E2F6: variants seen among roughly 807,000 people sequenced by gnomAD.
E2F6 encodes the protein transcription factor E2F6.
In E2F6, 19 loss-of-function variants were observed where a neutral mutation model predicts 31.5. The ratio of observed to expected loss-of-function variants is 0.60; its 90% CI spans 0.42 to 0.89. The LOEUF (loss-of-function observed/expected upper bound fraction) is 0.89. Among genes scored for constraint, E2F6 ranks in the 40% least tolerant of loss-of-function variants. The pLI is 0.00. For missense variants in E2F6, 269 were observed against 341.6 expected (o/e 0.79, Z 1.67); for synonymous variants, 121 against 127.7 (o/e 0.95, Z 0.36).
intron 1 of E2F6, among the ~76,000 whole-genome samples, chr2:11,461,707 G>C (rs1042281177): frequency 2.0e-5 from 3 of 152,156 alleles, no homozygotes; most frequent in African/African-American, 4.8e-5. Context: ...GCTTGTGTTT[G>C]ATTTTCAGCA....
chr2:11,461,993 A>G (rs1671808662), intron 1 of E2F6, among the ~76,000 whole-genome samples: 1 of 152,232 alleles, frequency 6.6e-6, no homozygotes, highest in Non-Finnish European at 1.5e-5. Flanking sequence ...TTGCATATCT[A>G]TAAACAGTTT....
At chr2:11,458,051 T>G (rs2148353369) in intron 1 of E2F6, among the ~76,000 whole-genome samples, 1 of 152,298 alleles carries the variant, frequency 6.6e-6, no homozygotes, top group South Asian at 2.1e-4. Flanking sequence ...TTAGAAACTG[T>G]TTTTCTGTAA....
chr2:11,446,062 A>C lies in E2F6; in HGVS notation c.*415T>G. On this transcript the variant is annotated 3_prime_UTR_variant, in exon 7 of 7. Transcript: ENST00000381525. ...ACATCACATTTAAATTCGTGTGTAC[A>C]TCTATGCAATGTACAACAGTAACTG... The C allele has an allele frequency of 5.9e-6, 1 of 169,054 alleles. No individual in the cohort carries two copies. The highest frequency in any genetic ancestry group is 1.3e-5 in the Non-Finnish European group (1 of 79,042). The allele number at this position is 169,054 out of a possible 1,614,324, so 10.5% of individuals were successfully genotyped here.
chr2:11,465,070 T>G (rs1672056684), intron 1 of E2F6, among the ~76,000 whole-genome samples: 1 of 147,072 alleles, frequency 6.8e-6, no homozygotes, highest in African/African-American at 2.5e-5. Context: ...CCCAGCTACA[T>G]GGGAGGCTGA....
chr2:11,456,509 C>G (rs1405985651), intron 2 of E2F6, among the ~76,000 whole-genome samples: 1 of 152,164 alleles, frequency 6.6e-6, no homozygotes, highest in Admixed American at 6.5e-5. Flanking sequence ...CTCTCTGGGC[C>G]TTTATAAAGT....
chr2:11,448,587 C>T (rs1293525290), intron 5 of E2F6, among the ~76,000 whole-genome samples: 2 of 152,188 alleles, frequency 1.3e-5, no homozygotes, highest in Admixed American at 6.5e-5. Flanking sequence ...GCTATGACTT[C>T]CTGGTACTAC....
Position 11,453,574 on chromosome 2 carries a change from C to T in E2F6, c.380+8G>A. The stretch of plus-strand genomic sequence containing the variant: ...CAAAAGCCACGAAAAAGTTTGAAAG[C>T]AACTCACATCCATCTAATATGGTTC... On this transcript the variant is annotated splice_region_variant and intron_variant, in intron 3 of 6. Transcript: ENST00000381525. 6.2e-7 allele frequency: 1 copy of T among 1,611,984 alleles called. No individual in the cohort carries two copies. Among genetic ancestry groups the T allele is most frequent in the Non-Finnish European group, 8.5e-7 (1 of 1,178,962 alleles).
chr2:11,464,752 G>A (rs571287904), intron 1 of E2F6, among the ~76,000 whole-genome samples: 35 of 152,126 alleles, frequency 2.3e-4, no homozygotes, highest in Non-Finnish European at 4.9e-4. Flanking sequence ...AGTCTGTTTT[G>A]GCAACCGTGA....
At chr2:11,461,250 T>G (rs1289836504) in intron 1 of E2F6, among the ~76,000 whole-genome samples, 1 of 151,664 alleles carries the variant, frequency 6.6e-6, no homozygotes, top group East Asian at 2.0e-4. Context: ...TCTTCCCACA[T>G]GATCCCATCC....
At chr2:11,446,581 G>T in intron 6 of E2F6, 58 bp from the exon 7 acceptor site, 3 of 1,419,128 alleles carry the variant, frequency 2.1e-6, no homozygotes, top group South Asian at 2.4e-5. Context: ...GTGAAGGTCT[G>T]ATAGGCAAAT....
At chr2:11,455,961 G>A (rs1428538922) in intron 2 of E2F6, among the ~76,000 whole-genome samples, 1 of 152,214 alleles carries the variant, frequency 6.6e-6, no homozygotes, top group East Asian at 1.9e-4. Flanking sequence ...GGGCTGAAGT[G>A]AGGGAGAGGA....
chr2:11,455,660 T>G (rs1189221821), intron 2 of E2F6, among the ~76,000 whole-genome samples: 1 of 152,218 alleles, frequency 6.6e-6, no homozygotes, highest in Non-Finnish European at 1.5e-5. Context: ...CATATTTCTA[T>G]GTTATTTTAT....
At chr2:11,460,674 TAG>T (rs1294731257) in intron 1 of E2F6, among the ~76,000 whole-genome samples, 6 of 152,204 alleles carry the variant, frequency 3.9e-5, no homozygotes, top group African/African-American at 1.4e-4. Context: ...GTGAACATCA[TAG>T]AGTGCTTAAA....
At chr2:11,464,973 G>C (rs1209897511) in intron 1 of E2F6, among the ~76,000 whole-genome samples, 1 of 152,008 alleles carries the variant, frequency 6.6e-6, no homozygotes, top group African/African-American at 2.4e-5. Context: ...GTCGTCAGGA[G>C]TTCGAGACCA....
intron 1 of E2F6, among the ~76,000 whole-genome samples, chr2:11,458,631 C>A (rs879519140): frequency 5.9e-5 from 9 of 152,162 alleles, no homozygotes; most frequent in Admixed American, 3.9e-4. Context: ...AGCAATATGG[C>A]AAAAGGACTG....
chr2:11,458,643 G>C (rs773177190), intron 1 of E2F6, among the ~76,000 whole-genome samples: 4 of 152,216 alleles, frequency 2.6e-5, no homozygotes, highest in Non-Finnish European at 5.9e-5. Context: ...AAAGGACTGG[G>C]AAATGAGGAA....
At position 11,454,706 on chromosome 2, in the gene E2F6, C is replaced by CA. The variant is rs771098228; in HGVS notation, c.164-909dup. Among the ~76,000 whole-genome samples the CA allele has an allele frequency of 6.5e-3, 964 of 147,778 alleles. 9 individuals carry two copies. The highest frequency in any genetic ancestry group is 0.018 in the African/African-American group (732 of 40,428). On this transcript the variant is annotated intron_variant, in intron 2 of 6. Coordinates refer to ENST00000381525, the MANE Select transcript of E2F6 (RefSeq NM_198256.4). ...ACCCTATATTAATTTAACAGATAGA[C>CA]AAAAAAAAAATCCCTTAATTCCCTC... is the stretch of plus-strand genomic sequence containing the variant.
At chr2:11,451,615 G>A (rs1327604690) in intron 4 of E2F6, 36 bp downstream of exon 4, 1 of 1,569,890 alleles carries the variant, frequency 6.4e-7, no homozygotes, top group Non-Finnish European at 8.6e-7. Context: ...TGTTTTGGAA[G>A]CAGAAATTTT....
chr2:11,449,810 T>C (rs949259034), intron 5 of E2F6, among the ~76,000 whole-genome samples: 1 of 152,228 alleles, frequency 6.6e-6, no homozygotes, highest in Non-Finnish European at 1.5e-5. Context: ...TTGTGAGCTT[T>C]TGGTTCCTCA....
Sources: allele counts gnomAD v4.1 joint callset (sites outside exome capture counted in the v4.1 genomes callset), GRCh38; gene constraint gnomAD v4.1.1; transcripts MANE v1.5; gene names NCBI Gene and HGNC (gene_info 2026-07-23, HGNC 2026-07-21).